Variants in SUPT3H observed in about 807,000 individuals in gnomAD.
The protein encoded by SUPT3H is SPT3 homolog, SAGA and STAGA complex component, also known as transcription initiation protein SPT3 homolog.
A neutral mutation model predicts 44.3 loss-of-function variants in SUPT3H; 44 were observed. The observed-to-expected ratio is 0.99, with a 90% CI of 0.78 to 1.28. SUPT3H has a LOEUF of 1.28. Ranked by LOEUF, SUPT3H falls within the 50% of genes most tolerant of loss-of-function variation. The pLI is 0.00. For missense variants in SUPT3H, 380 were observed against 387.1 expected (o/e 0.98, Z 0.15); for synonymous variants, 124 against 125.6 (o/e 0.99, Z 0.09).
chr6:45,058,675 A>G (rs777719820), intron 3 of SUPT3H, among the ~76,000 whole-genome samples: 1 of 152,152 alleles, frequency 6.6e-6, no homozygotes, highest in South Asian at 2.1e-4. Context: ...ACACTGCACT[A>G]CAGTATAACT....
intron 2 of SUPT3H, among the ~76,000 whole-genome samples, chr6:45,264,834 A>AC (rs1231604850): frequency 6.6e-6 from 1 of 152,142 alleles, no homozygotes; most frequent in East Asian, 1.9e-4. Context: ...ACAAATGAAG[A>AC]CAAGTAGGGA....
At chr6:45,017,405 C>A (rs986613654) in intron 4 of SUPT3H, among the ~76,000 whole-genome samples, 3 of 151,236 alleles carry the variant, frequency 2.0e-5, no homozygotes, top group African/African-American at 7.3e-5. Context: ...GTGTTTTAGA[C>A]ATGAAGTCCT....
At chr6:44,971,167 T>G (rs771762370) in intron 6 of SUPT3H, among the ~76,000 whole-genome samples, 8 of 152,182 alleles carry the variant, frequency 5.3e-5, no homozygotes, top group Non-Finnish European at 1.2e-4. Flanking sequence ...TATTGCAGAT[T>G]AAGTCATCAG....
At chr6:44,899,480 G>T (rs1764625081) in intron 10 of SUPT3H, among the ~76,000 whole-genome samples, 1 of 152,278 alleles carries the variant, frequency 6.6e-6, no homozygotes, top group Admixed American at 6.5e-5. Flanking sequence ...GAGGTCAGGA[G>T]TTCGAGACCA....
At position 45,181,889 on chromosome 6, in the gene SUPT3H, AAATAAATAAAT is replaced by A. The variant is rs1463018448; in HGVS notation, c.102-75894_102-75884del. Among the ~76,000 whole-genome samples the A allele has an allele frequency of 2.1e-3, 325 of 151,202 alleles. 1 individual carries two copies. Among genetic ancestry groups the A allele is most frequent in the African/African-American group, 7.5e-3 (311 of 41,388 alleles). Reference sequence around the variant, plus strand: ...AATAATAATAAATAAATAAATAAATAAATAAATAAATAATAAAACTATACCTTGTCTAATAA... The same window carrying A: ...AATAATAATAAATAAATAAATAAATAAATAAAACTATACCTTGTCTAATAA... On this transcript the variant is annotated intron_variant, in intron 2 of 10. Coordinates refer to ENST00000371459, the MANE Select transcript of SUPT3H (RefSeq NM_003599.4).
intron 10 of SUPT3H, among the ~76,000 whole-genome samples, chr6:44,930,234 A>C (rs967865288): frequency 7.7e-4 from 117 of 152,206 alleles, no homozygotes; most frequent in African/African-American, 2.7e-3. Context: ...ACACAAAATT[A>C]GCCAGGCGTG....
rs557684081 is a variant in SUPT3H at position 45,366,593 on chromosome 6, T to G, written c.1-1292A>C. On this transcript the variant is annotated intron_variant, in intron 1 of 10. Transcript: ENST00000371459. ...CTAAAAACTTTTATATAAATTTAGA[T>G]GTATTACCCTTTTTTTCACAATCAG... Among the ~76,000 whole-genome samples the G allele has an allele frequency of 1.4e-4, 21 of 152,316 alleles. No individual in the cohort carries two copies. In the South Asian group the frequency reaches 4.1e-3, roughly 30 times the overall value.
At chr6:45,321,546 AC>A (rs1785500449) in intron 2 of SUPT3H, among the ~76,000 whole-genome samples, 1 of 152,128 alleles carries the variant, frequency 6.6e-6, no homozygotes, top group Non-Finnish European at 1.5e-5. Context: ...ATCACATCTA[AC>A]TTAATACATA....
In SUPT3H at chr6:44,970,345, A is replaced by C. The variant is rs73735292; in HGVS notation, c.505-8517T>G. On this transcript the variant is annotated intron_variant, in intron 6 of 10. Coordinates refer to ENST00000371459, the MANE Select transcript of SUPT3H (RefSeq NM_003599.4). ...TGTGTGTTAAGAAAAGTATCATTTT[A>C]AAACAACCTAGTGCCATACAACCTA... Among the ~76,000 whole-genome samples, 595 of 152,310 alleles carry C rather than the reference A, an allele frequency of 3.9e-3. 7 individuals carry two copies. Among genetic ancestry groups the C allele is most frequent in the African/African-American group, 0.014 (567 of 41,584 alleles).
intron 2 of SUPT3H, among the ~76,000 whole-genome samples, chr6:45,120,417 TAAA>T (rs71687494): frequency 0.017 from 882 of 50,464 alleles, 20 homozygotes; most frequent in South Asian, 0.058. Context: ...AGACCTTGTC[TAAA>T]AAAAAAAAAA....
chr6:45,223,679 A>G (rs1766438396), intron 2 of SUPT3H, among the ~76,000 whole-genome samples: 1 of 151,870 alleles, frequency 6.6e-6, no homozygotes, highest in Admixed American at 6.6e-5. Context: ...AGCTCTATCA[A>G]ATCCTAGCAA....
At position 45,235,818 on chromosome 6, in the gene SUPT3H, A is replaced by T. The variant is rs545741015; in HGVS notation, c.101+129383T>A. Among the ~76,000 whole-genome samples the T allele has an allele frequency of 7.3e-3, 1,117 of 152,298 alleles. 9 individuals are homozygous for T. Among genetic ancestry groups the T allele is most frequent in the Non-Finnish European group, 0.011 (780 of 68,036 alleles). ...TCTGCAGCACTGTGACATGTTCATG[A>T]TGGCCATGACTCCCATGCTGAAGGT... On this transcript the variant is annotated intron_variant, in intron 2 of 10. Coordinates refer to ENST00000371459, the MANE Select transcript of SUPT3H (RefSeq NM_003599.4).
chr6:45,310,651 AC>A (rs1783798507), intron 2 of SUPT3H, among the ~76,000 whole-genome samples: 1 of 152,148 alleles, frequency 6.6e-6, no homozygotes, highest in Admixed American at 6.5e-5. Flanking sequence ...GGGTAGACTC[AC>A]TGGGTGGCTA....
At chr6:45,141,201 G>T (rs1008922312) in intron 2 of SUPT3H, among the ~76,000 whole-genome samples, 1 of 151,736 alleles carries the variant, frequency 6.6e-6, no homozygotes, top group Non-Finnish European at 1.5e-5. Flanking sequence ...TTAGCCAGGT[G>T]TTGTGGCACA....
At chr6:45,373,578 G>A (rs1233872681) in intron 1 of SUPT3H, among the ~76,000 whole-genome samples, 1 of 152,052 alleles carries the variant, frequency 6.6e-6, no homozygotes, top group Admixed American at 6.6e-5. Flanking sequence ...TTGAGACAGA[G>A]TATTGCTCTG....
chr6:45,091,585 A>C (rs990842675), intron 3 of SUPT3H, among the ~76,000 whole-genome samples: 3 of 152,122 alleles, frequency 2.0e-5, no homozygotes, highest in Non-Finnish European at 2.9e-5. Context: ...CAAGTTGCTT[A>C]ATCTTTCTGT....
chr6:45,126,031 C>G (rs1397589542), intron 2 of SUPT3H, among the ~76,000 whole-genome samples: 1 of 152,112 alleles, frequency 6.6e-6, no homozygotes, highest in Non-Finnish European at 1.5e-5. Flanking sequence ...TATGAACCAA[C>G]AAGCTTCTGC....
chr6:45,002,736 T>C (rs939440511), intron 6 of SUPT3H, among the ~76,000 whole-genome samples: 1 of 152,108 alleles, frequency 6.6e-6, no homozygotes, highest in Admixed American at 6.6e-5. Flanking sequence ...TAGATCACAG[T>C]TCATGATCCA....
At chr6:45,243,137 TG>T (rs1770675363) in intron 2 of SUPT3H, among the ~76,000 whole-genome samples, 1 of 139,972 alleles carries the variant, frequency 7.1e-6, no homozygotes, top group Non-Finnish European at 1.5e-5. Context: ...GAGGTTGCAA[TG>T]AGTTGAGATA....
Sources: gnomAD v4.1 joint callset for allele counts (sites outside exome capture counted in the v4.1 genomes callset) on GRCh38, gnomAD v4.1.1 for gene constraint, MANE v1.5 for transcripts, NCBI Gene and HGNC (gene_info 2026-07-23, HGNC 2026-07-21) for gene names.